The following RPRD2 variants were observed in gnomAD, a reference collection of about 807,000 sequenced individuals.
The protein encoded by RPRD2 is regulation of nuclear pre-mRNA domain containing 2.
Under a neutral mutation model 104.4 loss-of-function variants are expected in RPRD2, and 12 were observed. The ratio of observed to expected loss-of-function variants is 0.11; its 90% CI spans 0.07 to 0.19. RPRD2 has a LOEUF of 0.19. RPRD2 is among the 10% of genes least tolerant of loss of function. The pLI is 1.00. For missense variants in RPRD2, 1,543 were observed against 1,790.1 expected (o/e 0.86, Z 2.49); for synonymous variants, 714 against 684.9 (o/e 1.04, Z -0.66).
chr1:150,465,419 A>G (rs782119196), intron 10 of RPRD2, among the ~76,000 whole-genome samples: 1 of 151,854 alleles, frequency 6.6e-6, no homozygotes, highest in African/African-American at 2.4e-5. Flanking sequence ...CGCCCCTCCT[A>G]TTTTTTTTAT....
At chr1:150,436,088 T>C (rs1665968950) in intron 2 of RPRD2, among the ~76,000 whole-genome samples, 2 of 150,866 alleles carry the variant, frequency 1.3e-5, no homozygotes, top group African/African-American at 4.9e-5. Flanking sequence ...TGTGGTTTGC[T>C]GAATATTTCA....
chr1:150,427,765 C>G (rs947839022), intron 2 of RPRD2, among the ~76,000 whole-genome samples: 1 of 152,138 alleles, frequency 6.6e-6, no homozygotes, highest in African/African-American at 2.4e-5. Context: ...TGCTATTGCA[C>G]TCTAGCCTGG....
At chr1:150,418,969 G>A (rs1207749868) in intron 2 of RPRD2, among the ~76,000 whole-genome samples, 5 of 152,120 alleles carry the variant, frequency 3.3e-5, no homozygotes, top group African/African-American at 7.2e-5. Flanking sequence ...CCGAGATCAC[G>A]CCACTGCACT....
intron 1 of RPRD2, among the ~76,000 whole-genome samples, chr1:150,402,355 T>C (rs1459359834): frequency 6.6e-6 from 1 of 152,204 alleles, no homozygotes; most frequent in Non-Finnish European, 1.5e-5. Context: ...TATAAAAATA[T>C]TCATGTCAGC....
chr1:150,433,877 A>G (rs1251882721), intron 2 of RPRD2, among the ~76,000 whole-genome samples: 3 of 90,848 alleles, frequency 3.3e-5, no homozygotes, highest in Non-Finnish European at 7.3e-5. Context: ...TGTTATATAT[A>G]GTTATATTAT....
chr1:150,426,375 C>T (rs1421035796), intron 2 of RPRD2, among the ~76,000 whole-genome samples: 1 of 151,578 alleles, frequency 6.6e-6, no homozygotes, highest in Admixed American at 6.6e-5. Context: ...GGATCTCTTA[C>T]TTGGTAGAGT....
chr1:150,387,476 CTG>C (rs1661649948), intron 1 of RPRD2, among the ~76,000 whole-genome samples: 1 of 145,344 alleles, frequency 6.9e-6, no homozygotes, highest in Non-Finnish European at 1.5e-5. Context: ...GCAGGTGAAA[CTG>C]TACTGTTTCT....
At chr1:150,441,053 A>T in intron 3 of RPRD2, 30 bp downstream of exon 3, 1 of 1,128,446 alleles carries the variant, frequency 8.9e-7, no homozygotes, top group Non-Finnish European at 1.3e-6. Flanking sequence ...CTAAAAGAAA[A>T]TTTTTGAGTC....
chr1:150,368,205 GT>G (rs10572674), intron 1 of RPRD2, among the ~76,000 whole-genome samples: 21,856 of 112,686 alleles, frequency 0.19, 1,782 homozygotes, highest in Middle Eastern at 0.23. Context: ...CTTATTTCTT[GT>G]TTTTTTTTTT....
At chr1:150,459,987 A>G in intron 8 of RPRD2, 73 bp from the exon 9 acceptor site, 1 of 1,401,954 alleles carries the variant, frequency 7.1e-7, no homozygotes, top group East Asian at 2.3e-5. Context: ...AAATATTAGG[A>G]CATGTTATTT....
Position 150,400,915 on chromosome 1 carries a change from A to C in RPRD2, c.206-16681A>C, listed in dbSNP as rs186543881. ...AAAAGAGGGCTGGGCGCGGTGGCTC[A>C]CGCTGGCTCCCAGCACTTTGGGAGG... On this transcript the variant is annotated intron_variant, in intron 1 of 10. Coordinates refer to ENST00000369068, the MANE Select transcript of RPRD2 (RefSeq NM_015203.5). Among the ~76,000 whole-genome samples, 65 of 151,856 alleles carry C rather than the reference A, an allele frequency of 4.3e-4. 1 individual carries two copies. In the East Asian group the frequency reaches 0.01, roughly 24 times the overall value.
chr1:150,442,221 G>A (rs1473703444), intron 4 of RPRD2, among the ~76,000 whole-genome samples: 1 of 152,024 alleles, frequency 6.6e-6, no homozygotes, highest in Non-Finnish European at 1.5e-5. Context: ...GTAGTTGGGG[G>A]ATTGCAAGAA....
chr1:150,396,157 A>G (rs1232204049), intron 1 of RPRD2, among the ~76,000 whole-genome samples: 2 of 141,846 alleles, frequency 1.4e-5, no homozygotes, highest in Non-Finnish European at 3.0e-5. Context: ...AAAATCGTGT[A>G]TTCATGTCCT....
rs1161500884 is a variant in RPRD2 at position 150,473,035 on chromosome 1, A to G, written c.4087A>G (p.Ser1363Gly). 6.2e-7 allele frequency: 1 copy of G among 1,614,026 alleles called. No homozygotes were observed. Among genetic ancestry groups the G allele is most frequent in the Non-Finnish European group, 8.5e-7 (1 of 1,179,896 alleles). ...ACGGGACCTCAACGGCCCTGGCCTTAGCCGTGTACGAGAGAGCCTCACCCT... is the reference window on the plus strand; with the variant it reads ...ACGGGACCTCAACGGCCCTGGCCTTGGCCGTGTACGAGAGAGCCTCACCCT... ...TQRDLNGPGL[S>G]RVRESLTLPS... Residue 1363 changes from serine to glycine, a missense_variant, in exon 11 of 11, where the codon AGC becomes GGC. This residue lies in a region of RPRD2 where 880 missense variants were observed against 885.6 expected (regional missense o/e 0.99). Transcript: ENST00000369068.
chr1:150,473,165 C>G lies in RPRD2; in HGVS notation c.4217C>G (p.Thr1406Ser), dbSNP rs199672163. The G allele has an allele frequency of 3.7e-5, 59 of 1,614,034 alleles. No homozygotes were observed. In the East Asian group the frequency reaches 1.2e-3, roughly 33 times the overall value. ...GPPLGPSHRD[T>S]ISRSGIILRS... ...CCCTTGGGTCCCTCACACAGAGACA[C>G]CATCAGCCGGAGTGGTATAATCTTA... The change falls in exon 11 of 11, where the codon ACC becomes AGC. Residue 1406 changes from threonine to serine, a missense_variant. Transcript: ENST00000369068.
intron 1 of RPRD2, among the ~76,000 whole-genome samples, chr1:150,369,841 C>G (rs376160321): frequency 6.6e-6 from 1 of 151,410 alleles, no homozygotes; most frequent in Non-Finnish European, 1.5e-5. Context: ...AGTACAGTGG[C>G]GGAATCTCGG....
rs763675397 is a variant in RPRD2 at position 150,471,815 on chromosome 1, G to T, written c.2867G>T (p.Ser956Ile). 1.9e-6 allele frequency: 3 copies of T among 1,613,874 alleles called. No homozygotes were observed. The highest frequency in any genetic ancestry group is 2.5e-6 in the Non-Finnish European group (3 of 1,179,868). Residue 956 changes from serine to isoleucine, a missense_variant, in exon 11 of 11, where the codon AGT becomes ATT. By Grantham distance (142) the Ser-to-Ile change is moderately radical. Transcript: ENST00000369068. The surrounding 1 kb of genome is among the most constrained non-coding windows in gnomAD (Gnocchi z 5.3). Reference sequence around the variant, plus strand: ...TCTCAATCTACCACTGGGCATCTCAGTTTGCCACAGAAGCAGTACCCAGAC... The same window carrying T: ...TCTCAATCTACCACTGGGCATCTCATTTTGCCACAGAAGCAGTACCCAGAC... ...SLSQSTTGHL[S>I]LPQKQYPDSP...
chr1:150,470,539 C>T (rs759155921), intron 10 of RPRD2, 22 bp from the exon 11 acceptor site: 24 of 1,604,358 alleles, frequency 1.5e-5, no homozygotes, highest in Non-Finnish European at 1.9e-5. Flanking sequence ...CTTTTTAACC[C>T]CTCTAATCTT....
chr1:150,407,382 G>A (rs834242), intron 1 of RPRD2, among the ~76,000 whole-genome samples: 83,838 of 152,008 alleles, frequency 0.55, 23,882 homozygotes, highest in Non-Finnish European at 0.62. Context: ...TTTGTTCAGT[G>A]TTTTCAGTTC....
Sources: gnomAD v4.1 joint callset for allele counts (sites outside exome capture counted in the v4.1 genomes callset) on GRCh38, gnomAD v4.1.1 for gene constraint, gnomAD v4.1.1 regional missense constraint, Gnocchi (gnomAD v3.1) non-coding constraint, MANE v1.5 for transcripts, NCBI Gene and HGNC (gene_info 2026-07-23, HGNC 2026-07-21) for gene names.